The following EXOC3L2 variants were observed in gnomAD, a reference collection of about 807,000 sequenced individuals.
The protein encoded by EXOC3L2 is exocyst complex component 3 like 2.
Under a neutral mutation model 44.4 loss-of-function variants are expected in EXOC3L2, and 17 were observed. The ratio of observed to expected loss-of-function variants is 0.38; its 90% CI spans 0.26 to 0.57. EXOC3L2 has a LOEUF of 0.57. Among genes scored for constraint, EXOC3L2 ranks in the 20% least tolerant of loss-of-function variants. The pLI is 0.65. For missense variants in EXOC3L2, 541 were observed against 588.4 expected (o/e 0.92, Z 0.83); for synonymous variants, 256 against 253.7 (o/e 1.01, Z -0.09).
intron 6 of EXOC3L2, 54 bp from the exon 7 acceptor site, chr19:45,227,826 G>T: frequency 6.4e-7 from 1 of 1,565,200 alleles, no homozygotes; most frequent in Non-Finnish European, 8.7e-7. Context: ...GTCCCTCGTG[G>T]GCACCCAGCC....
At chr19:45,216,322 TC>T in intron 10 of EXOC3L2, 128 bp from the exon 11 acceptor site, 1 of 1,330,846 alleles carries the variant, frequency 7.5e-7, no homozygotes, top group Non-Finnish European at 1.0e-6. Context: ...AAGCCTGTAA[TC>T]CCAGCACTTT....
At chr19:45,224,242 G>A (rs1969930119) in intron 8 of EXOC3L2, among the ~76,000 whole-genome samples, 2 of 152,086 alleles carry the variant, frequency 1.3e-5, no homozygotes, top group Admixed American at 1.3e-4. Context: ...GGCTGATTGT[G>A]CCGGGTTGTG....
At position 45,212,583 on chromosome 19, in the gene EXOC3L2, T is replaced by A; in HGVS notation, c.*486A>T. 1 of 149,290 alleles carries A rather than the reference T, an allele frequency of 6.7e-6. No homozygotes were observed. Among genetic ancestry groups the A allele is most frequent in the Non-Finnish European group, 1.5e-5 (1 of 68,052 alleles). 9.2% of individuals were successfully genotyped at this position (149,290 alleles called of 1,614,324 possible). A position where few individuals can be genotyped will look rare whatever the true frequency, so the allele number is the denominator to read the frequency against. On this transcript the variant is annotated 3_prime_UTR_variant, in exon 12 of 12. Coordinates refer to ENST00000413988, the MANE Select transcript of EXOC3L2 (RefSeq NM_001382422.1). ...GGGAAAATGCTTTGTCTCTTTGGCC[T>A]CTGTTTCCCCCTACCTTTTTTTTTT...
chr19:45,226,409 C>CTGGG (rs1969960459), intron 7 of EXOC3L2, among the ~76,000 whole-genome samples: 1 of 152,112 alleles, frequency 6.6e-6, no homozygotes, highest in Admixed American at 6.6e-5. Flanking sequence ...CGAGACCAGC[C>CTGGG]TGGGCAACAT....
At chr19:45,233,558 G>A (rs997378768) in intron 3 of EXOC3L2, among the ~76,000 whole-genome samples, 4 of 152,182 alleles carry the variant, frequency 2.6e-5, no homozygotes, top group African/African-American at 9.7e-5. Flanking sequence ...AGTAGCGTAA[G>A]TGTCATGAAG....
rs1969941466 is a variant in EXOC3L2, at chr19:45,224,970, T to A, written c.1584-57A>T. 8.8e-6 allele frequency: 13 copies of A among 1,476,218 alleles called. No homozygotes were observed. In the South Asian group the frequency reaches 1.7e-4, roughly 19 times the overall value. 91.4% of individuals were successfully genotyped at this position (1,476,218 alleles called of 1,614,324 possible). On this transcript the variant is annotated intron_variant, in intron 7 of 11. Transcript: ENST00000413988. Reference sequence around the variant, plus strand: ...ACCCCAACATCTCAGCCCAACTGCCTAGGCCTGTCTTCCCTTAGGTAGATC... The same window carrying A: ...ACCCCAACATCTCAGCCCAACTGCCAAGGCCTGTCTTCCCTTAGGTAGATC...
chr19:45,213,377 C>G lies in EXOC3L2; in HGVS notation c.2121-20G>C, dbSNP rs547412844. ...TTCTGCCTGTGGGGAGAGGAACAGA[C>G]AGGTGCATGCAGATCCCCAGCTCTA... On this transcript the variant is annotated intron_variant, in intron 11 of 11. Coordinates refer to ENST00000413988, the MANE Select transcript of EXOC3L2 (RefSeq NM_001382422.1). 24 of 1,610,570 alleles carry G rather than the reference C, an allele frequency of 1.5e-5. No individual in the cohort carries two copies. Among genetic ancestry groups the G allele is most frequent in the Non-Finnish European group, 2.0e-5 (23 of 1,178,896 alleles).
intron 3 of EXOC3L2, 148 bp from the exon 4 acceptor site, chr19:45,232,022 A>C (rs2122982268): frequency 2.2e-6 from 1 of 462,364 alleles, no homozygotes; most frequent in South Asian, 5.5e-5. Flanking sequence ...CCTCAGAGGA[A>C]GTCTTTGGAA....
Position 45,217,604 on chromosome 19 carries a change from G to C in EXOC3L2, c.1922C>G (p.Ser641Trp). ...PLLRGRLRCS[S>W]ARTRSRVAGR... ...GGCCACGCGGCTGCGGGTCCGCGCC[G>C]AGCTGCAGCGCAGGCGCCCACGGAG... is the stretch of plus-strand genomic sequence containing the variant. Residue 641 changes from serine (S) to tryptophan (W), a missense_variant, in exon 10 of 12, where the codon TCG (serine) becomes TGG (tryptophan). Ser to Trp is a radical substitution (Grantham distance 177). Transcript: ENST00000413988. 6.6e-7 allele frequency: 1 copy of C among 1,518,264 alleles called. No individual in the cohort carries two copies. Among genetic ancestry groups the C allele is most frequent in the Non-Finnish European group, 8.8e-7 (1 of 1,140,570 alleles). 94.0% of individuals were successfully genotyped at this position (1,518,264 alleles called of 1,614,324 possible). A position where few individuals can be genotyped will look rare whatever the true frequency, so the allele number is the denominator to read the frequency against.
chr19:45,216,604 A>T (rs1172365260), intron 10 of EXOC3L2: 1 of 153,620 alleles, frequency 6.5e-6, no homozygotes, highest in Non-Finnish European at 1.5e-5. Flanking sequence ...AAATAAAAAT[A>T]AAAAATAAAA....
chr19:45,221,010 G>A (rs1469712799), intron 8 of EXOC3L2, among the ~76,000 whole-genome samples: 1 of 145,428 alleles, frequency 6.9e-6, no homozygotes, highest in East Asian at 2.2e-4. Context: ...AGATGGGCAG[G>A]CCGTGGGTCT....
chr19:45,224,036 G>A (rs1568481169), intron 8 of EXOC3L2, among the ~76,000 whole-genome samples: 1 of 152,012 alleles, frequency 6.6e-6, no homozygotes, highest in African/African-American at 2.4e-5. Context: ...CAGCTATGTG[G>A]CTGTGAGAGG....
chr19:45,228,649 G>A (rs1210862063), intron 4 of EXOC3L2, among the ~76,000 whole-genome samples: 1 of 152,084 alleles, frequency 6.6e-6, no homozygotes, highest in Non-Finnish European at 1.5e-5. Context: ...GTGCGTGTCT[G>A]TAATCCCAGC....
At chr19:45,214,894 G>C (rs910107938) in intron 11 of EXOC3L2, among the ~76,000 whole-genome samples, 12 of 151,864 alleles carry the variant, frequency 7.9e-5, no homozygotes, top group Non-Finnish European at 1.6e-4. Flanking sequence ...AGTGGCTCAC[G>C]CCTGTAATCT....
Position 45,212,598 on chromosome 19 carries a change from CTTTTTTTTTTTTT to C in EXOC3L2, c.*458_*470del, listed in dbSNP as rs530736333. 9.0e-6 allele frequency: 1 copy of C among 111,352 alleles called. No homozygotes were observed. The highest frequency in any genetic ancestry group is 2.6e-4 in the East Asian group (1 of 3,846). The allele number at this position is 111,352 out of a possible 1,614,324, so 6.9% of individuals were successfully genotyped here. On this transcript the variant is annotated 3_prime_UTR_variant, in exon 12 of 12. Coordinates refer to ENST00000413988, the MANE Select transcript of EXOC3L2 (RefSeq NM_001382422.1). ...CTCTTTGGCCTCTGTTTCCCCCTAC[CTTTTTTTTTTTTT>C]TTTTTTTTTGAGAAAGGGTCTTGCT...
chr19:45,232,597 CT>C lies in EXOC3L2; in HGVS notation c.1158-724del, dbSNP rs560843427. On this transcript the variant is annotated intron_variant, in intron 3 of 11. Coordinates refer to ENST00000413988, the MANE Select transcript of EXOC3L2 (RefSeq NM_001382422.1). The stretch of plus-strand genomic sequence containing the variant: ...GTGTGGCTTGGATGTGGCTAACTCC[CT>C]TTTCTCTGGGGTAGACAGGTGACCT... Among the ~76,000 whole-genome samples, 152 of 152,286 alleles carry C rather than the reference CT, an allele frequency of 1.0e-3. 1 individual carries two copies. The highest frequency in any genetic ancestry group is 3.6e-3 in the African/African-American group (148 of 41,560).
At chr19:45,222,763 T>C (rs1410646014) in intron 8 of EXOC3L2, among the ~76,000 whole-genome samples, 1 of 152,144 alleles carries the variant, frequency 6.6e-6, no homozygotes, top group Non-Finnish European at 1.5e-5. Flanking sequence ...AAAGCAAACA[T>C]ACATAGTGGT....
chr19:45,221,823 T>C (rs144619413), intron 8 of EXOC3L2, among the ~76,000 whole-genome samples: 1,785 of 151,854 alleles, frequency 0.012, 20 homozygotes, highest in South Asian at 0.027. Flanking sequence ...TATTGTTTTT[T>C]ATTTTTTGTA....
chr19:45,213,088 C>T lies in EXOC3L2; in HGVS notation c.2390G>A (p.Arg797Gln), dbSNP rs199587359. The change falls in exon 12 of 12, where the codon CGA (arginine) becomes CAA (glutamine). Residue 797 changes from arginine to glutamine, a missense_variant. Physicochemically the swap from Arg to Gln is conservative, Grantham distance 43 (BLOSUM62 1). Transcript: ENST00000413988. ...TGACCCTCAGCGCTGGGCCCGAGGT[C>T]GCGCTAGAGACGGAGGCCGGGGCCG... ...LPRPRPPSLA[R>Q]PRAQR is the part of the protein sequence containing the mutation. 2.7e-4 allele frequency: 403 copies of T among 1,511,236 alleles called. No individual in the cohort carries two copies. The highest frequency in any genetic ancestry group is 1.6e-3 in the African/African-American group (112 of 71,628). The allele number at this position is 1,511,236 out of a possible 1,614,324, so 93.6% of individuals were successfully genotyped here.
Sources: allele counts gnomAD v4.1 joint callset (sites outside exome capture counted in the v4.1 genomes callset), GRCh38; gene constraint gnomAD v4.1.1; transcripts MANE v1.5; gene names NCBI Gene and HGNC (gene_info 2026-07-23, HGNC 2026-07-21).